Variants in DNAH12 observed in about 807,000 individuals in gnomAD.
The protein encoded by DNAH12 is dynein axonemal heavy chain 12, also known as axonemal beta dynein heavy chain 12.
DNAH12 carries 285 observed loss-of-function variants against 371.5 expected under a neutral mutation model. The observed-to-expected ratio is 0.77, with a 90% confidence interval of 0.70 to 0.85. The LOEUF is 0.85. Among genes scored for constraint, DNAH12 ranks in the 40% least tolerant of loss-of-function variants. The pLI is 0.00. For missense variants in DNAH12, 3,611 were observed against 3,689.4 expected, an observed-to-expected ratio of 0.98 and a Z score of 0.55; for synonymous variants, 1,200 against 1,213.0, an observed-to-expected ratio of 0.99 and a Z score of 0.22.
intron 65 of DNAH12, 147 bp from the exon 66 acceptor site, chr3:57,314,778 A>G (rs1290061313): frequency 4.3e-5 from 35 of 818,862 alleles, no homozygotes; most frequent in Non-Finnish European, 5.5e-5. Flanking sequence ...CCTATCTAAA[A>G]TAATACTTAC....
chr3:57,397,769 T>A, intron 43 of DNAH12, among the ~76,000 whole-genome samples: 1 of 152,264 alleles, frequency 6.6e-6, no homozygotes, highest in East Asian at 1.9e-4. Context: ...AGAAAATGTC[T>A]GAAAGGTCCC....
chr3:57,534,357 G>T (rs149668530), intron 2 of DNAH12, among the ~76,000 whole-genome samples: 1 of 152,072 alleles, frequency 6.6e-6, no homozygotes, highest in African/African-American at 2.4e-5. Context: ...TCTTATGAAG[G>T]TGTTTTTTTG....
At chr3:57,345,822 A>T (rs1195930844) in intron 60 of DNAH12, among the ~76,000 whole-genome samples, 1 of 152,190 alleles carries the variant, frequency 6.6e-6, no homozygotes, top group African/African-American at 2.4e-5. Context: ...ATAGACTAGT[A>T]TCTACATATA....
chr3:57,322,907 G>T, intron 64 of DNAH12, 100 bp downstream of exon 64: 1 of 1,447,808 alleles, frequency 6.9e-7, no homozygotes, highest in Non-Finnish European at 9.1e-7. Flanking sequence ...TCCAGCCTGG[G>T]AGACAGAGTA....
intron 69 of DNAH12, among the ~76,000 whole-genome samples, chr3:57,308,653 G>A (rs2061520876): frequency 6.6e-6 from 1 of 152,052 alleles, no homozygotes; most frequent in South Asian, 2.1e-4. Flanking sequence ...GGTTTACACT[G>A]TTTTCCAAGC....
chr3:57,449,175 AC>A (rs1224001501), intron 25 of DNAH12, among the ~76,000 whole-genome samples: 2 of 151,078 alleles, frequency 1.3e-5, no homozygotes, highest in African/African-American at 4.9e-5. Context: ...TGGTGCACTC[AC>A]AAACCTTGAG....
intron 44 of DNAH12, among the ~76,000 whole-genome samples, chr3:57,393,625 C>CAAAAAAAAAAAAAAAAAAA (rs1180952196): frequency 7.8e-5 from 5 of 64,296 alleles, no homozygotes; most frequent in East Asian, 4.2e-4. Context: ...GACTCTGTCT[C>CAAAAAAAAAAAAAAAAAAA]AAAAAAAAAA....
intron 69 of DNAH12, among the ~76,000 whole-genome samples, chr3:57,303,852 C>T (rs912821351): frequency 2.6e-5 from 4 of 152,148 alleles, no homozygotes; most frequent in South Asian, 2.1e-4. Flanking sequence ...GTGACCTGCA[C>T]GTATACATCC....
intron 9 of DNAH12, among the ~76,000 whole-genome samples, chr3:57,503,652 G>A (rs2153391378): frequency 6.6e-6 from 1 of 152,262 alleles, no homozygotes; most frequent in South Asian, 2.1e-4. Flanking sequence ...CTCCTAAAGT[G>A]CTGGGATTAC....
chr3:57,441,238 G>C (rs904333442), intron 29 of DNAH12, among the ~76,000 whole-genome samples: 1 of 152,066 alleles, frequency 6.6e-6, no homozygotes, highest in African/African-American at 2.4e-5. Flanking sequence ...GGACACACTA[G>C]AACTAAAAAG....
chr3:57,449,918 A>G (rs2065698246), intron 25 of DNAH12, among the ~76,000 whole-genome samples: 1 of 152,146 alleles, frequency 6.6e-6, no homozygotes. Context: ...TCACTAGGAG[A>G]CTTTTTCTCA....
At chr3:57,479,335 T>TA (rs1310872852) in intron 13 of DNAH12, among the ~76,000 whole-genome samples, 2 of 152,170 alleles carry the variant, frequency 1.3e-5, no homozygotes, top group East Asian at 3.9e-4. Flanking sequence ...GGCCATTACA[T>TA]AATGGTAAAG....
At chr3:57,467,740 G>A (rs2066248338) in intron 17 of DNAH12, among the ~76,000 whole-genome samples, 1 of 151,984 alleles carries the variant, frequency 6.6e-6, no homozygotes, top group South Asian at 2.1e-4. Context: ...CCTTTCTTGG[G>A]CCAGAGGAAT....
At chr3:57,407,606 T>C (rs2064078199) in intron 40 of DNAH12, among the ~76,000 whole-genome samples, 1 of 152,034 alleles carries the variant, frequency 6.6e-6, no homozygotes, top group Non-Finnish European at 1.5e-5. Context: ...TTATGAAGCT[T>C]CTAGAAAGTG....
intron 4 of DNAH12, among the ~76,000 whole-genome samples, chr3:57,518,076 A>G (rs996472616): frequency 9.9e-5 from 15 of 152,118 alleles, no homozygotes; most frequent in African/African-American, 3.4e-4. Flanking sequence ...ACATAAAAAA[A>G]AAAACTTTCT....
chr3:57,328,885 A>G (rs1197556172), intron 62 of DNAH12, among the ~76,000 whole-genome samples: 3 of 130,758 alleles, frequency 2.3e-5, no homozygotes, highest in African/African-American at 9.5e-5. Context: ...AAATCAATGT[A>G]CAAAAATCAC....
chr3:57,323,355 AC>A (rs2061854672), intron 63 of DNAH12, 95 bp from the exon 64 acceptor site: 3 of 1,474,728 alleles, frequency 2.0e-6, no homozygotes, highest in Admixed American at 5.3e-5. Context: ...AATTCTAGTT[AC>A]GTTTCTCTGT....
intron 59 of DNAH12, among the ~76,000 whole-genome samples, chr3:57,352,979 C>A (rs190611689): frequency 1.3e-5 from 2 of 151,962 alleles, no homozygotes; most frequent in Non-Finnish European, 2.9e-5. Flanking sequence ...ATCCCAGCTA[C>A]GAGGGAGGCT....
intron 39 of DNAH12, among the ~76,000 whole-genome samples, chr3:57,408,920 T>G (rs2064122176): frequency 6.6e-6 from 1 of 152,156 alleles, no homozygotes; most frequent in Non-Finnish European, 1.5e-5. Flanking sequence ...CTAGGACAAT[T>G]CTGGCTTGTG....
Sources: allele counts gnomAD v4.1 joint callset (sites outside exome capture counted in the v4.1 genomes callset), GRCh38; gene constraint gnomAD v4.1.1; transcripts MANE v1.5; gene names NCBI Gene and HGNC (gene_info 2026-07-23, HGNC 2026-07-21).